MYO1F: variants seen among roughly 807,000 people sequenced by gnomAD.
MYO1F encodes the protein unconventional myosin-If.
Under a neutral mutation model 146.6 loss-of-function variants are expected in MYO1F, and 60 were observed. The ratio of observed to expected loss-of-function variants is 0.41; its 90% CI spans 0.33 to 0.51. MYO1F has a LOEUF of 0.51. Among genes scored for constraint, MYO1F ranks in the 20% least tolerant of loss-of-function variants. The pLI, the probability that MYO1F is intolerant of heterozygous loss-of-function variation, is 0.25. For synonymous variants in MYO1F, 602 were observed against 602.1 expected (o/e 1.00, Z 0.00); for missense variants, 1,274 against 1,534.3 (o/e 0.83, Z 2.83).
intron 1 of MYO1F, among the ~76,000 whole-genome samples, chr19:8,565,126 AG>A (rs2041979229): frequency 6.6e-6 from 1 of 151,924 alleles, no homozygotes; most frequent in Non-Finnish European, 1.5e-5. Context: ...CCTGACCTCA[AG>A]TTCAAGTGAT....
chr19:8,526,685 C>A, intron 23 of MYO1F, 84 bp from the exon 24 acceptor site: 1 of 1,537,124 alleles, frequency 6.5e-7, no homozygotes, highest in Admixed American at 2.1e-5. Flanking sequence ...AGGGGCGGGG[C>A]CGCGGCCGGG....
rs1972061260 is a variant in MYO1F at position 8,521,557 on chromosome 19, A to C, written c.3268T>G (p.Phe1090Val). ...ATCTTCTCCACGTAGTTTCCTGGGA[A>C]AAGGCCCTCCTGGCCGTGAAGCCGG... ...KGRLHGQEGL[F>V]PGNYVEKI is the part of the protein sequence containing the mutation. Residue 1090 changes from phenylalanine (F) to valine (V), a missense_variant, in exon 28 of 28, where the codon TTC (phenylalanine) becomes GTC (valine). By Grantham distance (50) the Phe-to-Val change is conservative. Coordinates refer to ENST00000644032, the MANE Select transcript of MYO1F (RefSeq NM_012335.4). 1 of 1,614,086 alleles carries C rather than the reference A, an allele frequency of 6.2e-7. No homozygotes were observed. Among genetic ancestry groups the C allele is most frequent in the African/African-American group, 1.3e-5 (1 of 74,948 alleles).
chr19:8,536,514 G>A lies in MYO1F; in HGVS notation c.1883C>T (p.Ala628Val), dbSNP rs746792025. ...GGCTCCTCACCTCTGCAGGAATTTG[G>A]CGAACTGGCGGCGGTAGGCGAAGCC... ...RAGFAYRRQF[A>V]KFLQRYAILT... The change falls in exon 18 of 28, where the codon GCC becomes GTC. Residue 628 changes from alanine (A) to valine (V), a missense_variant. Transcript: ENST00000644032. 10 of 1,613,166 alleles carry A rather than the reference G, an allele frequency of 6.2e-6. No individual in the cohort carries two copies. The Admixed American group carries it at 1.7e-4, about 27-fold the overall frequency.
At position 8,521,684 on chromosome 19, in the gene MYO1F, A is replaced by C. The variant is rs575895769; in HGVS notation, c.3221-80T>G. The C allele has an allele frequency of 4.6e-6, 6 of 1,306,600 alleles. No individual in the cohort carries two copies. In the African/African-American group the frequency reaches 8.7e-5, roughly 19 times the overall value. 80.9% of individuals were successfully genotyped at this position (1,306,600 alleles called of 1,614,324 possible). The stretch of plus-strand genomic sequence containing the variant: ...CATGCCTGGTCTGTCCATCTTGTTC[A>C]TGGGGACTCCCTATGTTGTCCAGGC... On this transcript the variant is annotated intron_variant, in intron 27 of 27. Transcript: ENST00000644032.
intron 16 of MYO1F, among the ~76,000 whole-genome samples, chr19:8,538,723 G>C (rs1357804046): frequency 6.6e-6 from 1 of 152,002 alleles, no homozygotes; most frequent in Non-Finnish European, 1.5e-5. Flanking sequence ...AAGTAGCTGG[G>C]ACCACAGGTG....
intron 1 of MYO1F, among the ~76,000 whole-genome samples, chr19:8,571,923 C>T (rs1272724562): frequency 3.3e-5 from 5 of 151,880 alleles, no homozygotes; most frequent in Non-Finnish European, 7.4e-5. Flanking sequence ...CGGGGTTTCA[C>T]TGTGTTAGCC....
At chr19:8,555,371 C>A (rs1450695814) in intron 2 of MYO1F, 27 of 316,362 alleles carry the variant, frequency 8.5e-5, no homozygotes, top group Admixed American at 8.0e-4. Context: ...AGCAAGACTC[C>A]GTCTCAAAAA....
intron 1 of MYO1F, among the ~76,000 whole-genome samples, chr19:8,569,769 G>A (rs532289487): frequency 6.6e-6 from 1 of 152,184 alleles, no homozygotes; most frequent in Non-Finnish European, 1.5e-5. Context: ...AGAGGCCTTG[G>A]GTGTGTGGTG....
Position 8,526,784 on chromosome 19 carries a change from C to A in MYO1F, c.2621+5G>T. The A allele has an allele frequency of 6.2e-7, 1 of 1,606,042 alleles. No homozygotes were observed. The highest frequency in any genetic ancestry group is 8.5e-7 in the Non-Finnish European group (1 of 1,177,048). ...GAGATGGTGCTGGGGTTGGCGGGGC[C>A]GTACGTGTCGCTGAAGGTGAGGGGC... On this transcript the variant is annotated splice_donor_5th_base_variant and intron_variant, in intron 23 of 27. Coordinates refer to ENST00000644032, the MANE Select transcript of MYO1F (RefSeq NM_012335.4).
intron 12 of MYO1F, among the ~76,000 whole-genome samples, chr19:8,547,696 C>T (rs1488003615): frequency 1.3e-5 from 2 of 151,960 alleles, no homozygotes; most frequent in Non-Finnish European, 2.9e-5. Flanking sequence ...GTCTCTGAAT[C>T]CTTGCCTCAG....
chr19:8,576,820 G>T (rs1372353130), intron 1 of MYO1F: 4 of 199,870 alleles, frequency 2.0e-5, no homozygotes, highest in African/African-American at 9.4e-5. Flanking sequence ...AGAACCCACA[G>T]ACCTTGAGAA....
intron 21 of MYO1F, 120 bp from the exon 22 acceptor site, chr19:8,527,603 G>T: frequency 8.0e-7 from 1 of 1,257,206 alleles, no homozygotes; most frequent in Non-Finnish European, 1.1e-6. Flanking sequence ...GAGCCCTCCA[G>T]GTGAAGGTGT....
intron 14 of MYO1F, among the ~76,000 whole-genome samples, chr19:8,543,708 C>G (rs58076701): frequency 0.11 from 2,191 of 20,662 alleles, 307 homozygotes; most frequent in African/African-American, 0.18. Flanking sequence ...GGTGGTGGTG[C>G]TGGTGGTGGT....
intron 1 of MYO1F, among the ~76,000 whole-genome samples, chr19:8,557,419 A>G (rs1973907790): frequency 6.6e-6 from 1 of 152,118 alleles, no homozygotes; most frequent in Non-Finnish European, 1.5e-5. Context: ...ACCACACCAC[A>G]GCCTCCTGGG....
At chr19:8,533,806 A>G (rs779215578) in intron 19 of MYO1F, among the ~76,000 whole-genome samples, 1 of 152,228 alleles carries the variant, frequency 6.6e-6, no homozygotes, top group African/African-American at 2.4e-5. Flanking sequence ...CCAGCAGACT[A>G]TTATAACATA....
At position 8,577,434 on chromosome 19, in the gene MYO1F, G is replaced by T. The variant is rs541921735; in HGVS notation, c.-125C>A. The T allele has an allele frequency of 5.5e-6, 6 of 1,092,892 alleles. 1 individual carries two copies. Among genetic ancestry groups the T allele is most frequent in the South Asian group, 5.2e-5 (4 of 76,996 alleles). The allele number at this position is 1,092,892 out of a possible 1,614,324, so 67.7% of individuals were successfully genotyped here. A position where few individuals can be genotyped will look rare whatever the true frequency, so the allele number is the denominator to read the frequency against. ...CTTCTGCCCGTTCACCGGACTCCCG[G>T]CTTTAGTTCCTCTTACAACAGCCCC... On this transcript the variant is annotated 5_prime_UTR_variant, in exon 1 of 28. Coordinates refer to ENST00000644032, the MANE Select transcript of MYO1F (RefSeq NM_012335.4). This position sits in a 1 kb window ranked among gnomAD's most constrained non-coding sequence, Gnocchi z 4.3.
Position 8,551,722 on chromosome 19 carries a change from G to A in MYO1F, c.771+18C>T. On this transcript the variant is annotated intron_variant, in intron 8 of 27. Coordinates refer to ENST00000644032, the MANE Select transcript of MYO1F (RefSeq NM_012335.4). ...GAGGTCTGCCTGGCCGGGGACTGGA[G>A]TAGAGGCCGGTGCTCACCAGAGTCT... is the stretch of plus-strand genomic sequence containing the variant. 1 of 1,614,140 alleles carries A rather than the reference G, an allele frequency of 6.2e-7. No homozygotes were observed. Among genetic ancestry groups the A allele is most frequent in the Non-Finnish European group, 8.5e-7 (1 of 1,180,020 alleles).
chr19:8,521,388 C>T lies in MYO1F; in HGVS notation c.*140G>A. 2 of 875,170 alleles carry T rather than the reference C, an allele frequency of 2.3e-6. No individual in the cohort carries two copies. Among genetic ancestry groups the T allele is most frequent in the Non-Finnish European group, 3.7e-6 (2 of 537,316 alleles). The allele number at this position is 875,170 out of a possible 1,614,324, so 54.2% of individuals were successfully genotyped here. A position where few individuals can be genotyped will look rare whatever the true frequency, so the allele number is the denominator to read the frequency against. On this transcript the variant is annotated 3_prime_UTR_variant, in exon 28 of 28. Transcript: ENST00000644032. Reference sequence around the variant, plus strand: ...GTGACCTGGTGACCCAGGGCCTGGGCAGGACTGGAGGCCAAAGGACTGGAC... The same window carrying T: ...GTGACCTGGTGACCCAGGGCCTGGGTAGGACTGGAGGCCAAAGGACTGGAC...
rs73501540 is a variant in MYO1F, at chr19:8,555,752, C to T, written c.48G>A (p.Gln16=). 0.011 allele frequency: 18,335 copies of T among 1,614,030 alleles called. 1,738 individuals carry two copies. In the African/African-American group the frequency reaches 0.21, roughly 18 times the overall value. The change falls in exon 2 of 28, where the codon CAG becomes CAA. Residue 16 remains glutamine (Q), a synonymous_variant. Coordinates refer to ENST00000644032, the MANE Select transcript of MYO1F (RefSeq NM_012335.4). The part of the protein sequence containing the change: ...RFHWQSHNVK[Q]SGVDDMVLLP... The stretch of plus-strand genomic sequence containing the variant: ...GAAGCACCATGTCATCCACGCCGCT[C>T]TGCTTCACGTTGTGGCTCTGCCAGT...
Sources: gnomAD v4.1 joint callset for allele counts (sites outside exome capture counted in the v4.1 genomes callset) on GRCh38, gnomAD v4.1.1 for gene constraint, Gnocchi (gnomAD v3.1) non-coding constraint, MANE v1.5 for transcripts, NCBI Gene and HGNC (gene_info 2026-07-23, HGNC 2026-07-21) for gene names.